The following PHACTR4 variants were observed in gnomAD, a reference collection of about 807,000 sequenced individuals.
PHACTR4 encodes the protein protein phosphatase 1, regulatory subunit 124.
Under a neutral mutation model 72.7 loss-of-function variants are expected in PHACTR4, and 51 were observed. The ratio of observed to expected loss-of-function variants is 0.70; its 90% CI spans 0.56 to 0.89. PHACTR4 has a LOEUF of 0.89. Ranked by LOEUF, PHACTR4 falls within the 40% of genes least tolerant of loss-of-function variation. The probability of loss-of-function intolerance (pLI) is 0.00; values close to 1 mark genes in which losing one functional copy is unlikely to be tolerated. For synonymous variants in PHACTR4, 255 were observed against 302.5 expected (o/e 0.84, Z 1.63); for missense variants, 731 against 861.8 (o/e 0.85, Z 1.90).
intron 1 of PHACTR4, among the ~76,000 whole-genome samples, chr1:28,372,736 C>G (rs1013386112): frequency 4.0e-5 from 6 of 151,472 alleles, no homozygotes; most frequent in Non-Finnish European, 8.8e-5. Context: ...TCTGTAATCC[C>G]AGCTACTTGG....
At chr1:28,438,405 C>CA (rs774769939) in intron 2 of PHACTR4, 9 of 1,612,746 alleles carry the variant, frequency 5.6e-6, no homozygotes, top group Non-Finnish European at 7.6e-6. Flanking sequence ...CTGATGTCTC[C>CA]AGACCGGTAA....
At chr1:28,491,278 A>G (rs1661020374) in intron 11 of PHACTR4, among the ~76,000 whole-genome samples, 1 of 151,828 alleles carries the variant, frequency 6.6e-6, no homozygotes, top group Admixed American at 6.6e-5. Context: ...GCAACATGGC[A>G]AGACCCCACC....
intron 1 of PHACTR4, among the ~76,000 whole-genome samples, chr1:28,374,341 CAA>C (rs1352901025): frequency 6.6e-6 from 1 of 152,198 alleles, no homozygotes; most frequent in Non-Finnish European, 1.5e-5. Flanking sequence ...CATCGGGACT[CAA>C]GAGAATGCTC....
At chr1:28,469,434 C>G (rs1659422497) in intron 6 of PHACTR4, among the ~76,000 whole-genome samples, 1 of 152,160 alleles carries the variant, frequency 6.6e-6, no homozygotes, top group Non-Finnish European at 1.5e-5. Flanking sequence ...GAATTATTAC[C>G]CATCCCAGAA....
In PHACTR4 at chr1:28,379,791, G is replaced by A. The variant is rs551231608; in HGVS notation, c.-39+9966G>A. Among the ~76,000 whole-genome samples, 1,291 of 151,106 alleles carry A rather than the reference G, an allele frequency of 8.5e-3. 8 individuals carry two copies. The highest frequency in any genetic ancestry group is 0.013 in the Non-Finnish European group (911 of 67,788). Reference sequence around the variant, plus strand: ...TTTTTAGTAGAGACGGGGTTTCACCGTGTTAGCCAGGATGATCTCGATCTC... The same window carrying A: ...TTTTTAGTAGAGACGGGGTTTCACCATGTTAGCCAGGATGATCTCGATCTC... On this transcript the variant is annotated intron_variant, in intron 1 of 13. Transcript: ENST00000373839.
intron 1 of PHACTR4, among the ~76,000 whole-genome samples, chr1:28,375,414 T>C (rs1266866854): frequency 6.6e-6 from 1 of 151,046 alleles, no homozygotes; most frequent in Non-Finnish European, 1.5e-5. Flanking sequence ...CAGTGGCTCA[T>C]GCCTGTAATC....
intron 1 of PHACTR4, among the ~76,000 whole-genome samples, chr1:28,400,538 C>T (rs1358310868): frequency 6.6e-6 from 1 of 151,968 alleles, no homozygotes; most frequent in African/African-American, 2.4e-5. Flanking sequence ...TGGGGAATGG[C>T]CAGGCTCATG....
chr1:28,473,416 T>C (rs1024938966), intron 6 of PHACTR4, 138 bp from the exon 7 acceptor site: 9 of 687,268 alleles, frequency 1.3e-5, no homozygotes, highest in South Asian at 2.1e-5. Context: ...ATAAAATATA[T>C]AGGGAATGGC....
intron 4 of PHACTR4, among the ~76,000 whole-genome samples, chr1:28,461,891 A>G (rs1240048213): frequency 6.7e-6 from 1 of 149,394 alleles, no homozygotes; most frequent in Non-Finnish European, 1.5e-5. Context: ...ATGAGCATAT[A>G]TAACTTTTGT....
chr1:28,456,827 C>T (rs765487768), intron 2 of PHACTR4, among the ~76,000 whole-genome samples: 9 of 151,764 alleles, frequency 5.9e-5, no homozygotes, highest in Non-Finnish European at 1.2e-4. Context: ...GTTGAAGGCT[C>T]AGTGAGCTGT....
intron 1 of PHACTR4, among the ~76,000 whole-genome samples, chr1:28,373,635 A>G (rs61783802): frequency 4.6e-5 from 7 of 152,128 alleles, no homozygotes; most frequent in Non-Finnish European, 1.0e-4. Flanking sequence ...CATGTTGCCC[A>G]GCCTGGTCTC....
At chr1:28,415,141 G>A (rs1386863644) in intron 2 of PHACTR4, among the ~76,000 whole-genome samples, 11 of 151,754 alleles carry the variant, frequency 7.2e-5, no homozygotes, top group Non-Finnish European at 1.3e-4. Flanking sequence ...TGCTACTGTA[G>A]TCCCAGCTAC....
chr1:28,375,569 C>T (rs1042113486), intron 1 of PHACTR4, among the ~76,000 whole-genome samples: 2 of 151,834 alleles, frequency 1.3e-5, no homozygotes, highest in Non-Finnish European at 2.9e-5. Context: ...ATCTGTACTC[C>T]CAGTTACTCA....
At chr1:28,372,579 C>T (rs983876433) in intron 1 of PHACTR4, among the ~76,000 whole-genome samples, 6 of 152,126 alleles carry the variant, frequency 3.9e-5, no homozygotes, top group Admixed American at 2.0e-4. Flanking sequence ...TGGTTGGGCG[C>T]GGTGGCTCAC....
intron 2 of PHACTR4, among the ~76,000 whole-genome samples, chr1:28,440,340 A>G (rs1656923028): frequency 6.8e-6 from 1 of 147,252 alleles, no homozygotes; most frequent in Non-Finnish European, 1.5e-5. Flanking sequence ...TCATCTGAGT[A>G]ACGTTTGGTA....
chr1:28,401,774 T>A (rs1653965888), intron 1 of PHACTR4, among the ~76,000 whole-genome samples: 1 of 152,222 alleles, frequency 6.6e-6, no homozygotes, highest in Admixed American at 6.6e-5. Flanking sequence ...AATTTTTAAA[T>A]TTTTTTAGAG....
intron 2 of PHACTR4, among the ~76,000 whole-genome samples, chr1:28,438,608 A>G (rs1656789246): frequency 6.6e-6 from 1 of 152,258 alleles, no homozygotes; most frequent in Non-Finnish European, 1.5e-5. Context: ...ACTTTAAAAA[A>G]TTAAGTTTTT....
chr1:28,407,407 T>C lies in PHACTR4; in HGVS notation c.-38-3T>C. Reference sequence around the variant, plus strand: ...TGTATCATTTACCTTTTTCTCTTTTTAGAAACAGTATCTCACCTCCCTAAA... The same window carrying C: ...TGTATCATTTACCTTTTTCTCTTTTCAGAAACAGTATCTCACCTCCCTAAA... On this transcript the variant is annotated splice_region_variant and splice_polypyrimidine_tract_variant and intron_variant, in intron 1 of 13. Coordinates refer to ENST00000373839, the MANE Select transcript of PHACTR4 (RefSeq NM_001048183.3). The C allele has an allele frequency of 1.3e-6, 2 of 1,567,936 alleles. No individual in the cohort carries two copies. The highest frequency in any genetic ancestry group is 2.3e-5 in the South Asian group (2 of 88,232).
intron 2 of PHACTR4, among the ~76,000 whole-genome samples, chr1:28,418,308 C>A (rs1275455635): frequency 1.2e-3 from 158 of 130,056 alleles, no homozygotes; most frequent in South Asian, 2.8e-3. Flanking sequence ...ACTAAAAATA[C>A]AAAAAAAAAA....
Sources: gnomAD v4.1 joint callset for allele counts (sites outside exome capture counted in the v4.1 genomes callset) on GRCh38, gnomAD v4.1.1 for gene constraint, MANE v1.5 for transcripts, NCBI Gene and HGNC (gene_info 2026-07-23, HGNC 2026-07-21) for gene names.